Variants in AKAP9 observed in about 807,000 individuals in gnomAD.
The protein encoded by AKAP9 is A-kinase anchoring protein 9.
AKAP9 carries 311 observed loss-of-function variants against 488.5 expected under a neutral mutation model. The ratio of observed to expected loss-of-function variants is 0.64; its 90% CI spans 0.58 to 0.70. The LOEUF is 0.70. Among genes scored for constraint, AKAP9 ranks in the 30% least tolerant of loss-of-function variants. The pLI, the probability that AKAP9 is intolerant of heterozygous loss-of-function variation, is 0.00. For missense variants in AKAP9, 4,215 were observed against 4,374.5 expected (o/e 0.96, Z 1.03); for synonymous variants, 1,462 against 1,483.5 (o/e 0.99, Z 0.33).
At chr7:91,946,123 T>C (rs1791426766) in intron 1 of AKAP9, among the ~76,000 whole-genome samples, 1 of 152,244 alleles carries the variant, frequency 6.6e-6, no homozygotes, top group Non-Finnish European at 1.5e-5. Flanking sequence ...TGTATATTGA[T>C]TATTGATAGC....
intron 45 of AKAP9, 146 bp from the exon 46 acceptor site, chr7:92,102,448 T>TTACCAC: frequency 1.7e-6 from 1 of 594,164 alleles, no homozygotes. Flanking sequence ...CGTTTTACTA[T>TTACCAC]TACTACTACT....
intron 1 of AKAP9, among the ~76,000 whole-genome samples, chr7:91,945,043 C>T (rs1791281724): frequency 6.6e-6 from 1 of 152,026 alleles, no homozygotes; most frequent in Non-Finnish European, 1.5e-5. Context: ...TGACAGAATA[C>T]TATGTAAAAA....
chr7:92,068,329 G>A (rs1811094705), intron 26 of AKAP9, among the ~76,000 whole-genome samples: 1 of 135,378 alleles, frequency 7.4e-6, no homozygotes, highest in African/African-American at 2.9e-5. Flanking sequence ...TCACGCCACT[G>A]CACTCCAGCC....
intron 1 of AKAP9, among the ~76,000 whole-genome samples, chr7:91,959,461 T>TA (rs1793455315): frequency 4.7e-5 from 2 of 42,636 alleles, no homozygotes; most frequent in African/African-American, 4.2e-4. Context: ...CCTGGCTAAT[T>TA]TAAAAAAAAA....
intron 14 of AKAP9, among the ~76,000 whole-genome samples, chr7:92,027,192 GTGCCTCTGCC>G (rs1803369094): frequency 5.4e-5 from 8 of 146,860 alleles, no homozygotes; most frequent in Non-Finnish European, 9.0e-5. Flanking sequence ...GAAGTGAGGA[GTGCCTCTGCC>G]CGGCTGCCGC....
chr7:91,975,061 A>C (rs2130567503), intron 2 of AKAP9, among the ~76,000 whole-genome samples: 1 of 152,292 alleles, frequency 6.6e-6, no homozygotes, highest in South Asian at 2.1e-4. Flanking sequence ...CATGTTGCCC[A>C]GGCTGGTCTC....
At chr7:91,993,080 G>A (rs370757689) in intron 5 of AKAP9, 25 bp downstream of exon 5, 2 of 1,613,484 alleles carry the variant, frequency 1.2e-6, no homozygotes, top group Non-Finnish European at 1.7e-6. Context: ...TGTGGCTTTT[G>A]ATTTGCTACT....
Position 92,086,374 on chromosome 7 carries a change from A to G in AKAP9, c.9171A>G (p.Ala3057=). 1.9e-6 allele frequency: 3 copies of G among 1,614,112 alleles called. No individual in the cohort carries two copies. The highest frequency in any genetic ancestry group is 2.5e-6 in the Non-Finnish European group (3 of 1,179,966). Reference sequence around the variant, plus strand: ...TGACAGCTCTAGGTACTACAGATGCAGTTGGTTTACTAAACTGTTTGGAAC... The same window carrying G: ...TGACAGCTCTAGGTACTACAGATGCGGTTGGTTTACTAAACTGTTTGGAAC... ...TELTALGTTD[A]VGLLNCLEQR... The change falls in exon 37 of 50, where the codon GCA becomes GCG. Residue 3057 remains alanine (A), a synonymous_variant. Transcript: ENST00000356239.
Position 92,022,905 on chromosome 7 carries a change from C to T in AKAP9, c.4044C>T (p.Ser1348=). 6.2e-7 allele frequency: 1 copy of T among 1,613,182 alleles called. No individual in the cohort carries two copies. Among genetic ancestry groups the T allele is most frequent in the Non-Finnish European group, 8.5e-7 (1 of 1,179,266 alleles). Residue 1348 remains serine (S), a synonymous_variant, in exon 14 of 50, where the codon TCC becomes TCT. Coordinates refer to ENST00000356239, the MANE Select transcript of AKAP9 (RefSeq NM_005751.5). The part of the protein sequence containing the change: ...EQVQELESLI[S]SLQQQLKETE... ...TTCAAGAATTAGAAAGCCTCATATC[C>T]TCTTTGCAGCAACAGTTGAAAGAAA...
chr7:92,083,026 G>C (rs1813860145), intron 32 of AKAP9, 144 bp from the exon 33 acceptor site: 1 of 888,124 alleles, frequency 1.1e-6, no homozygotes, highest in South Asian at 1.8e-5. Flanking sequence ...TAAACTGTGA[G>C]CGTTTCTGAA....
In AKAP9 at chr7:92,080,096, A is replaced by G. The variant is rs1343659307; in HGVS notation, c.7963A>G (p.Lys2655Glu). 1.3e-6 allele frequency: 2 copies of G among 1,591,372 alleles called. No individual in the cohort carries two copies. The highest frequency in any genetic ancestry group is 1.1e-5 in the South Asian group (1 of 87,554). ...ELQKLLEGNE[K>E]KQREKEKKRS... is the part of the protein sequence containing the mutation. ...ACAGAAGCTATTGGAGGGCAATGAG[A>G]AAAAACAGAGAGAGAAAGAAAAGAA... The change falls in exon 31 of 50, where the codon AAA (lysine) becomes GAA (glutamate). Residue 2655 changes from lysine (K) to glutamate (E), a missense_variant. By Grantham distance (56) the Lys-to-Glu change is moderately conservative. Transcript: ENST00000356239.
chr7:92,007,993 ATAAAGT>A (rs1175198371), intron 8 of AKAP9, among the ~76,000 whole-genome samples: 8 of 152,254 alleles, frequency 5.3e-5, no homozygotes, highest in African/African-American at 1.7e-4. Flanking sequence ...GAAGGAAATA[ATAAAGT>A]TAAGAACAAA....
Position 92,079,483 on chromosome 7 carries a change from T to C in AKAP9, c.7350T>C (p.Ser2450=), listed in dbSNP as rs1368023264. 1 of 1,614,014 alleles carries C rather than the reference T, an allele frequency of 6.2e-7. No individual in the cohort carries two copies. The highest frequency in any genetic ancestry group is 2.2e-5 in the East Asian group (1 of 44,858). Residue 2450 remains serine, a synonymous_variant, in exon 31 of 50, where the codon AGT becomes AGC. Coordinates refer to ENST00000356239, the MANE Select transcript of AKAP9 (RefSeq NM_005751.5). ...AGATTCAAAGCATACCAGAGAATAG[T>C]GTTAACGTGGCTATAGATCATCTGA... ...VEKIQSIPEN[S]VNVAIDHLSK...
chr7:91,957,660 C>T (rs990826795), intron 1 of AKAP9, among the ~76,000 whole-genome samples: 1 of 152,018 alleles, frequency 6.6e-6, no homozygotes, highest in Non-Finnish European at 1.5e-5. Context: ...ATATATTATC[C>T]TCTGAGTCTT....
At chr7:91,969,259 C>T (rs1314945486) in intron 1 of AKAP9, among the ~76,000 whole-genome samples, 1 of 152,066 alleles carries the variant, frequency 6.6e-6, no homozygotes, top group Non-Finnish European at 1.5e-5. Flanking sequence ...TAGTTTTATT[C>T]CATTATGGTC....
intron 40 of AKAP9, 56 bp from the exon 41 acceptor site, chr7:92,096,633 G>A (rs895648054): frequency 2.9e-5 from 46 of 1,603,640 alleles, no homozygotes; most frequent in South Asian, 4.5e-5. Flanking sequence ...CACCACGCCC[G>A]GCCAAGTATT....
intron 37 of AKAP9, among the ~76,000 whole-genome samples, chr7:92,087,252 G>C (rs1445770324): frequency 6.6e-6 from 1 of 152,160 alleles, no homozygotes; most frequent in Non-Finnish European, 1.5e-5. Flanking sequence ...CTTTAACGAA[G>C]AAGACGACGT....
chr7:92,040,934 A>AT (rs200888412), intron 18 of AKAP9, 36 bp downstream of exon 18: 936 of 1,523,544 alleles, frequency 6.1e-4, no homozygotes, highest in African/African-American at 1.5e-3. Flanking sequence ...CTCCCCAGTT[A>AT]TTTTTTTTTC....
chr7:91,970,920 C>A (rs1795000509), intron 1 of AKAP9, among the ~76,000 whole-genome samples: 1 of 151,998 alleles, frequency 6.6e-6, no homozygotes, highest in Non-Finnish European at 1.5e-5. Flanking sequence ...TTTATTATTT[C>A]TTGAATAAGA....
Sources: allele counts gnomAD v4.1 joint callset (sites outside exome capture counted in the v4.1 genomes callset), GRCh38; gene constraint gnomAD v4.1.1; transcripts MANE v1.5; gene names NCBI Gene and HGNC (gene_info 2026-07-23, HGNC 2026-07-21).